The following USP34 variants were observed in gnomAD, a reference collection of about 807,000 sequenced individuals.
USP34 encodes the protein ubiquitin carboxyl-terminal hydrolase 34.
Under a neutral mutation model 460.3 loss-of-function variants are expected in USP34, and 70 were observed. The observed-to-expected ratio is 0.15, with a 90% CI of 0.13 to 0.19. The LOEUF (loss-of-function observed/expected upper bound fraction) is 0.19, where lower values mean the gene tolerates loss of function less well. USP34 is among the 10% of genes least tolerant of loss of function. USP34 has a pLI of 1.00. For missense variants in USP34, 3,985 were observed against 4,236.2 expected (o/e 0.94, Z 1.65); for synonymous variants, 1,647 against 1,405.3 (o/e 1.17, Z -3.85).
At chr2:61,350,748 T>C (rs1691920418) in intron 10 of USP34, 55 bp from the exon 11 acceptor site, 2 of 1,549,786 alleles carry the variant, frequency 1.3e-6, no homozygotes, top group South Asian at 1.2e-5. Context: ...TACATGTAGA[T>C]TACCTGATAT....
At chr2:61,405,672 G>A (rs77868460) in intron 3 of USP34, 36 bp downstream of exon 3, 21,331 of 1,485,116 alleles carry the variant, frequency 0.014, 233 homozygotes, top group East Asian at 0.049. Context: ...TTAAGACTTG[G>A]TATTACTTAA....
chr2:61,288,903 T>C (rs763347613), intron 33 of USP34, 26 bp from the exon 34 acceptor site: 2 of 1,605,254 alleles, frequency 1.2e-6, no homozygotes, highest in Middle Eastern at 1.7e-4. Flanking sequence ...AATAGTCAAT[T>C]CCCTATTTTC....
chr2:61,224,768 T>C (rs1039080737), intron 62 of USP34, among the ~76,000 whole-genome samples: 7 of 152,330 alleles, frequency 4.6e-5, no homozygotes, highest in Non-Finnish European at 7.4e-5. Context: ...TTAAACATCT[T>C]TGATGTGATT....
chr2:61,400,185 T>C (rs2103918253), intron 3 of USP34, among the ~76,000 whole-genome samples: 1 of 151,664 alleles, frequency 6.6e-6, no homozygotes, highest in Middle Eastern at 3.4e-3. Context: ...TCCCGGCTCA[T>C]TACAAGCTCC....
chr2:61,320,552 T>A (rs1262649545), intron 21 of USP34, among the ~76,000 whole-genome samples: 1 of 152,190 alleles, frequency 6.6e-6, no homozygotes, highest in Non-Finnish European at 1.5e-5. Context: ...GTAGTTTATT[T>A]ATATAAAAGT....
At chr2:61,384,862 G>A (rs1233513302) in intron 5 of USP34, among the ~76,000 whole-genome samples, 1 of 151,878 alleles carries the variant, frequency 6.6e-6, no homozygotes, top group African/African-American at 2.4e-5. Context: ...TGAACTGAAG[G>A]ACCTAGACAA....
chr2:61,271,447 A>ATGTT (rs1689211047), intron 41 of USP34, among the ~76,000 whole-genome samples: 1 of 152,230 alleles, frequency 6.6e-6, no homozygotes, highest in African/African-American at 2.4e-5. Context: ...CATAAGACAA[A>ATGTT]TGTACTGTTT....
At chr2:61,210,491 G>T (rs973519968) in intron 69 of USP34, among the ~76,000 whole-genome samples, 2 of 152,152 alleles carry the variant, frequency 1.3e-5, no homozygotes, top group Non-Finnish European at 2.9e-5. Flanking sequence ...AGTTGTGTGT[G>T]AGTAGTCACT....
At position 61,408,980 on chromosome 2, in the gene USP34, G is replaced by A. The variant is rs188232684; in HGVS notation, c.132-2852C>T. Among the ~76,000 whole-genome samples the A allele has an allele frequency of 2.7e-3, 418 of 152,234 alleles. 1 individual carries two copies. The highest frequency in any genetic ancestry group is 9.4e-3 in the African/African-American group (389 of 41,530). The stretch of plus-strand genomic sequence containing the variant: ...TCAGCCTGTAATCCCACCACTTTGG[G>A]AGGCCAAAGTGGGCAGATGACTAGA... On this transcript the variant is annotated intron_variant, in intron 2 of 79. Coordinates refer to ENST00000398571, the MANE Select transcript of USP34 (RefSeq NM_014709.4).
intron 25 of USP34, 96 bp downstream of exon 25, chr2:61,314,489 C>A: frequency 8.7e-7 from 1 of 1,152,110 alleles, no homozygotes. Context: ...TCTACTTGAC[C>A]CCAACAAAAA....
intron 8 of USP34, among the ~76,000 whole-genome samples, chr2:61,372,287 A>G (rs1307707521): frequency 6.6e-6 from 1 of 152,192 alleles, no homozygotes; most frequent in East Asian, 1.9e-4. Flanking sequence ...CATTAAAAAT[A>G]AAACTAGGTA....
chr2:61,409,457 T>C (rs751296233), intron 2 of USP34, among the ~76,000 whole-genome samples: 5 of 152,170 alleles, frequency 3.3e-5, no homozygotes, highest in Non-Finnish European at 5.9e-5. Context: ...CTCATGTCTG[T>C]AACCCCAGCA....
intron 16 of USP34, among the ~76,000 whole-genome samples, chr2:61,341,966 T>C (rs1020354195): frequency 2.0e-5 from 3 of 151,934 alleles, no homozygotes; most frequent in Non-Finnish European, 4.4e-5. Context: ...TTTCACCATG[T>C]TGGCCAGGCT....
chr2:61,332,404 G>A (rs1691298380), intron 19 of USP34, among the ~76,000 whole-genome samples: 1 of 152,012 alleles, frequency 6.6e-6, no homozygotes, highest in Non-Finnish European at 1.5e-5. Flanking sequence ...TGGAAACCCT[G>A]TGAATTTTCC....
chr2:61,351,174 T>C (rs1444567982), intron 10 of USP34, among the ~76,000 whole-genome samples: 1 of 152,180 alleles, frequency 6.6e-6, no homozygotes, highest in Non-Finnish European at 1.5e-5. Context: ...TTACATGTCA[T>C]AATACAAAAA....
At chr2:61,312,067 C>G (rs1281840322) in intron 25 of USP34, among the ~76,000 whole-genome samples, 157 bp from the exon 26 acceptor site, 1 of 151,880 alleles carries the variant, frequency 6.6e-6, no homozygotes, top group African/African-American at 2.4e-5. Flanking sequence ...TCAGATTCAT[C>G]ATACTGAATC....
rs1687062949 is a variant in USP34, at chr2:61,204,563, A to C, written c.9193T>G (p.Phe3065Val). The C allele has an allele frequency of 6.2e-7, 1 of 1,613,990 alleles. No homozygotes were observed. Among genetic ancestry groups the C allele is most frequent in the African/African-American group, 1.3e-5 (1 of 74,928 alleles). ...KELVLLSPHD[F>V]LHTLVPFLQH... Reference sequence around the variant, plus strand: ...AGAAAGGGAACCAGAGTATGAAGAAAATCATGGGGACTCAAAAGTACAAGT... The same window carrying C: ...AGAAAGGGAACCAGAGTATGAAGAACATCATGGGGACTCAAAAGTACAAGT... Residue 3065 changes from phenylalanine (F) to valine (V), a missense_variant, in exon 73 of 80, where the codon TTT becomes GTT. Transcript: ENST00000398571.
chr2:61,316,889 AAAT>A (rs948049816), intron 23 of USP34, among the ~76,000 whole-genome samples: 3 of 152,160 alleles, frequency 2.0e-5, no homozygotes, highest in Admixed American at 1.3e-4. Context: ...CCATCTCAAA[AAAT>A]AATAATAATA....
At chr2:61,244,667 G>A (rs1480362139) in intron 51 of USP34, among the ~76,000 whole-genome samples, 1 of 151,426 alleles carries the variant, frequency 6.6e-6, no homozygotes, top group Non-Finnish European at 1.5e-5. Flanking sequence ...CATAGAAGAT[G>A]TCCTTTTTCT....
Sources: gnomAD v4.1 joint callset for allele counts (sites outside exome capture counted in the v4.1 genomes callset) on GRCh38, gnomAD v4.1.1 for gene constraint, MANE v1.5 for transcripts, NCBI Gene and HGNC (gene_info 2026-07-23, HGNC 2026-07-21) for gene names.